SORCS1: variants seen among roughly 807,000 people sequenced by gnomAD.
SORCS1 encodes the protein sortilin related VPS10 domain containing receptor 1.
A neutral mutation model predicts 146.1 loss-of-function variants in SORCS1; 60 were observed. That is an observed-to-expected ratio of 0.41 (90% confidence interval 0.33 to 0.51). The LOEUF is 0.51. Among genes scored for constraint, SORCS1 ranks in the 20% least tolerant of loss-of-function variants. SORCS1 has a pLI of 0.21. For synonymous variants in SORCS1, 637 were observed against 584.0 expected, an observed-to-expected ratio of 1.09 and a Z score of -1.31; for missense variants, 1,352 against 1,487.6, an observed-to-expected ratio of 0.91 and a Z score of 1.50.
chr10:106,905,293 G>A (rs1311730835), intron 2 of SORCS1, among the ~76,000 whole-genome samples: 4 of 152,090 alleles, frequency 2.6e-5, no homozygotes, highest in African/African-American at 9.7e-5. Flanking sequence ...TTAAGTTGGA[G>A]AAGGAAAAGA....
chr10:106,677,760 A>C (rs759951350), intron 12 of SORCS1, among the ~76,000 whole-genome samples: 1 of 152,206 alleles, frequency 6.6e-6, no homozygotes, highest in Non-Finnish European at 1.5e-5. Context: ...GGAACCTTAG[A>C]AATCATTTAC....
chr10:106,843,819 G>C (rs186727980), intron 2 of SORCS1, among the ~76,000 whole-genome samples: 2 of 152,156 alleles, frequency 1.3e-5, no homozygotes, highest in Non-Finnish European at 2.9e-5. Flanking sequence ...AGACACTTAG[G>C]TTGTTTCCGT....
chr10:107,038,089 C>T lies in SORCS1; in HGVS notation c.559-81509G>A, dbSNP rs920672629. Among the ~76,000 whole-genome samples the T allele has an allele frequency of 2.6e-5, 4 of 152,300 alleles. No individual in the cohort carries two copies. The East Asian group carries it at 5.8e-4, about 22-fold the overall frequency. On this transcript the variant is annotated intron_variant, in intron 1 of 25. Transcript: ENST00000263054. ...CTGCCCGCCTCAGCCTCCCAGTGTG[C>T]TGGGATTACAGGCGTGAGCCACTGC...
intron 1 of SORCS1, among the ~76,000 whole-genome samples, chr10:106,970,905 AT>A (rs34657393): frequency 0.37 from 35,911 of 96,266 alleles, 6,786 homozygotes; most frequent in Non-Finnish European, 0.48. Flanking sequence ...TGCACAGCTA[AT>A]TTTTTTTTTT....
intron 4 of SORCS1, among the ~76,000 whole-genome samples, chr10:106,773,206 A>G (rs1462003271): frequency 6.6e-6 from 1 of 152,232 alleles, no homozygotes; most frequent in Admixed American, 6.5e-5. Context: ...TGTCACAGAA[A>G]AACTGATGAG....
rs985432360 is a variant in SORCS1 at position 106,619,606 on chromosome 10, G to A, written c.2796+822C>T. On this transcript the variant is annotated intron_variant, in intron 20 of 25. Coordinates refer to ENST00000263054, the MANE Select transcript of SORCS1 (RefSeq NM_052918.5). ...TGGAAGCACTTTAATTTCTGAGAATGGAATGAGTTCAAAACTGAAATAGAC... is the reference window on the plus strand; with the variant it reads ...TGGAAGCACTTTAATTTCTGAGAATAGAATGAGTTCAAAACTGAAATAGAC... Among the ~76,000 whole-genome samples the A allele has an allele frequency of 2.3e-4, 35 of 152,138 alleles. 1 individual carries two copies. Among genetic ancestry groups the A allele is most frequent in the Admixed American group, 2.6e-4 (4 of 15,252 alleles).
At chr10:106,764,806 G>A (rs534912440) in intron 4 of SORCS1, among the ~76,000 whole-genome samples, 1 of 152,080 alleles carries the variant, frequency 6.6e-6, no homozygotes, top group South Asian at 2.1e-4. Flanking sequence ...GGCGGATCAC[G>A]AGGTCAGGAG....
intron 1 of SORCS1, among the ~76,000 whole-genome samples, chr10:107,112,249 G>A (rs971445988): frequency 6.6e-6 from 1 of 151,958 alleles, no homozygotes; most frequent in Non-Finnish European, 1.5e-5. Flanking sequence ...TAAAAAAATG[G>A]GAAATGGGGC....
In SORCS1 at chr10:106,780,731, G is replaced by C. The variant is rs114834740; in HGVS notation, c.727-4039C>G. Among the ~76,000 whole-genome samples, 1,217 of 152,224 alleles carry C rather than the reference G, an allele frequency of 8.0e-3. 17 individuals are homozygous for C. Among genetic ancestry groups the C allele is most frequent in the African/African-American group, 0.027 (1,119 of 41,528 alleles). On this transcript the variant is annotated intron_variant, in intron 3 of 25. Coordinates refer to ENST00000263054, the MANE Select transcript of SORCS1 (RefSeq NM_052918.5). ...TTTATCAGGAAAGTAATTATTCCCTGTTCAGTTCCACCCATGAGTGATTAG... is the reference window on the plus strand; with the variant it reads ...TTTATCAGGAAAGTAATTATTCCCTCTTCAGTTCCACCCATGAGTGATTAG...
chr10:106,647,763 A>C (rs1849555468), intron 18 of SORCS1, among the ~76,000 whole-genome samples: 1 of 152,236 alleles, frequency 6.6e-6, no homozygotes, highest in Non-Finnish European at 1.5e-5. Flanking sequence ...ATGTTGGTTT[A>C]GATAAAGACT....
intron 24 of SORCS1, among the ~76,000 whole-genome samples, chr10:106,581,175 CA>C (rs1215436644): frequency 7.2e-5 from 11 of 152,146 alleles, no homozygotes; most frequent in Non-Finnish European, 1.2e-4. Flanking sequence ...GACATTATCA[CA>C]ATTGATTTTC....
intron 4 of SORCS1, among the ~76,000 whole-genome samples, chr10:106,765,390 A>G (rs1057120005): frequency 2.0e-5 from 3 of 151,314 alleles, no homozygotes; most frequent in Non-Finnish European, 4.4e-5. Context: ...TTTTTAAGAC[A>G]TCTTTCACAT....
At chr10:106,951,877 A>G (rs1004048669) in intron 2 of SORCS1, among the ~76,000 whole-genome samples, 1 of 152,264 alleles carries the variant, frequency 6.6e-6, no homozygotes, top group South Asian at 2.1e-4. Context: ...AACCTCCCCA[A>G]TAGTCCCATA....
chr10:106,715,436 G>A (rs1169919750), intron 6 of SORCS1, among the ~76,000 whole-genome samples: 1 of 152,206 alleles, frequency 6.6e-6, no homozygotes, highest in African/African-American at 2.4e-5. Context: ...AAGGGAAGCT[G>A]CTTTTAAAAA....
chr10:107,147,630 C>G (rs1490909363), intron 1 of SORCS1, among the ~76,000 whole-genome samples: 1 of 152,148 alleles, frequency 6.6e-6, no homozygotes, highest in Non-Finnish European at 1.5e-5. Context: ...ATAGTGAAAA[C>G]TATCCAGGCA....
intron 2 of SORCS1, among the ~76,000 whole-genome samples, chr10:106,886,734 C>G (rs1242382198): frequency 6.6e-6 from 1 of 152,216 alleles, no homozygotes; most frequent in African/African-American, 2.4e-5. Flanking sequence ...CATTCTCTTT[C>G]TAGAATCCAG....
chr10:106,791,297 C>T (rs138858489), intron 3 of SORCS1, among the ~76,000 whole-genome samples: 1,947 of 152,114 alleles, frequency 0.013, 22 homozygotes, highest in African/African-American at 0.026. Context: ...TCTTATTTAC[C>T]AGGTTTCCAA....
In SORCS1 at chr10:106,941,932, G is replaced by C. The variant is rs147184187; in HGVS notation, c.626+14581C>G. Among the ~76,000 whole-genome samples, 7 of 152,306 alleles carry C rather than the reference G, an allele frequency of 4.6e-5. No individual in the cohort carries two copies. In the East Asian group the frequency reaches 1.4e-3, roughly 29 times the overall value. ...GAGAAAATCTCCCATAACCAGGATGGAGAAGGCTGCTTAGTGTTCCCCAAA... is the reference window on the plus strand; with the variant it reads ...GAGAAAATCTCCCATAACCAGGATGCAGAAGGCTGCTTAGTGTTCCCCAAA... On this transcript the variant is annotated intron_variant, in intron 2 of 25. Transcript: ENST00000263054.
intron 1 of SORCS1, among the ~76,000 whole-genome samples, chr10:107,067,538 T>C (rs1961996531): frequency 6.6e-6 from 1 of 152,186 alleles, no homozygotes; most frequent in Admixed American, 6.5e-5. Context: ...TGATAAGATA[T>C]AGGGAATGCT....
Sources: allele counts gnomAD v4.1 joint callset (sites outside exome capture counted in the v4.1 genomes callset), GRCh38; gene constraint gnomAD v4.1.1; transcripts MANE v1.5; gene names NCBI Gene and HGNC (gene_info 2026-07-23, HGNC 2026-07-21).